The following ADGRV1 variants were observed in gnomAD, a reference collection of about 807,000 sequenced individuals.
The protein encoded by ADGRV1 is G-protein coupled receptor 98.
ADGRV1 carries 359 observed loss-of-function variants against 596.2 expected under a neutral mutation model. That is an observed-to-expected ratio of 0.60 (90% CI 0.55 to 0.66). ADGRV1 has a LOEUF of 0.66. Ranked by LOEUF, ADGRV1 falls within the 30% of genes least tolerant of loss-of-function variation. The pLI is 0.00. For synonymous variants in ADGRV1, 2,681 were observed against 2,679.2 expected, an observed-to-expected ratio of 1.00 and a Z score of -0.02; for missense variants, 7,274 against 7,575.6, an observed-to-expected ratio of 0.96 and a Z score of 1.48.
Position 90,681,312 on chromosome 5 carries a change from C to A in ADGRV1, c.5525-3C>A. 1 of 1,611,210 alleles carries A rather than the reference C, an allele frequency of 6.2e-7. No homozygotes were observed. The highest frequency in any genetic ancestry group is 1.1e-5 in the South Asian group (1 of 90,286). On this transcript the variant is annotated splice_polypyrimidine_tract_variant and splice_region_variant and intron_variant, in intron 26 of 89. Transcript: ENST00000405460. ...TTCTATTTGTTGGAACTTGTTCATGCAGCCAGTCTAGGAGTGGCTTCCCAA... is the reference window on the plus strand; with the variant it reads ...TTCTATTTGTTGGAACTTGTTCATGAAGCCAGTCTAGGAGTGGCTTCCCAA...
chr5:91,114,751 T>G (rs1031701982), intron 87 of ADGRV1, among the ~76,000 whole-genome samples: 2 of 152,198 alleles, frequency 1.3e-5, no homozygotes, highest in African/African-American at 4.8e-5. Flanking sequence ...ACTCTTGAAT[T>G]CATTACTGAG....
chr5:90,831,887 G>A (rs1295507257), intron 77 of ADGRV1, among the ~76,000 whole-genome samples: 1 of 152,124 alleles, frequency 6.6e-6, no homozygotes, highest in Non-Finnish European at 1.5e-5. Flanking sequence ...TTCCATCCAT[G>A]TTGTTGCAAA....
intron 83 of ADGRV1, among the ~76,000 whole-genome samples, chr5:90,903,296 A>T (rs1175975448): frequency 6.6e-6 from 1 of 152,074 alleles, no homozygotes; most frequent in Non-Finnish European, 1.5e-5. Flanking sequence ...AAATATTTCC[A>T]TGAAATTATA....
intron 29 of ADGRV1, among the ~76,000 whole-genome samples, chr5:90,687,080 T>G: frequency 6.6e-6 from 1 of 152,144 alleles, no homozygotes; most frequent in Non-Finnish European, 1.5e-5. Flanking sequence ...CTTGTAAATT[T>G]GTTTGAGTTC....
chr5:90,851,134 T>TGTGTGTGAGAGAGAGAGAGAGA (rs757909771), intron 79 of ADGRV1, among the ~76,000 whole-genome samples: 11 of 81,510 alleles, frequency 1.3e-4, no homozygotes, highest in Admixed American at 9.3e-4. Context: ...TGTGTGTGTG[T>TGTGTGTGAGAGAGAGAGAGAGA]GAGAGAGAGA....
chr5:90,939,194 T>C (rs1775964636), intron 83 of ADGRV1, among the ~76,000 whole-genome samples: 1 of 152,166 alleles, frequency 6.6e-6, no homozygotes. Context: ...ACCTCAAAGT[T>C]ACATTTTAAA....
At position 90,791,246 on chromosome 5, in the gene ADGRV1, A is replaced by C; in HGVS notation, c.14417A>C (p.Asp4806Ala). ...DVAVGLRISS[D>A]HKEQPIVTEN... ...GCTGTTGGGCTTCGAATATCATCGGATCATAAAGAACAGCCGATTGTTACC... is the reference window on the plus strand; with the variant it reads ...GCTGTTGGGCTTCGAATATCATCGGCTCATAAAGAACAGCCGATTGTTACC... The change falls in exon 70 of 90, where the codon GAT becomes GCT. Residue 4806 changes from aspartate (D) to alanine (A), a missense_variant. By Grantham distance (126) the Asp-to-Ala change is moderately radical. Coordinates refer to ENST00000405460, the MANE Select transcript of ADGRV1 (RefSeq NM_032119.4). The C allele has an allele frequency of 6.2e-7, 1 of 1,612,622 alleles. No individual in the cohort carries two copies. The highest frequency in any genetic ancestry group is 8.5e-7 in the Non-Finnish European group (1 of 1,179,364).
At chr5:90,589,997 A>T (rs910653521) in intron 1 of ADGRV1, among the ~76,000 whole-genome samples, 27 of 152,174 alleles carry the variant, frequency 1.8e-4, no homozygotes, top group African/African-American at 6.3e-4. Flanking sequence ...TTAATGTAAA[A>T]TATTCCATTT....
chr5:91,053,897 G>C (rs115362537), intron 85 of ADGRV1, among the ~76,000 whole-genome samples: 7 of 152,136 alleles, frequency 4.6e-5, no homozygotes, highest in African/African-American at 1.7e-4. Context: ...CATGCACATA[G>C]TTACTGCTTA....
intron 77 of ADGRV1, among the ~76,000 whole-genome samples, chr5:90,838,057 A>G (rs777874659): frequency 2.0e-5 from 3 of 152,298 alleles, no homozygotes; most frequent in South Asian, 2.1e-4. Flanking sequence ...GTTTTGTTCA[A>G]TCATATGTCT....
chr5:91,033,334 T>C (rs1784626009), intron 85 of ADGRV1, among the ~76,000 whole-genome samples: 1 of 152,212 alleles, frequency 6.6e-6, no homozygotes, highest in Admixed American at 6.5e-5. Flanking sequence ...TAGGAATTCC[T>C]TGTGCCCTTT....
At chr5:90,706,159 A>C (rs567107390) in intron 37 of ADGRV1, 72 bp from the exon 38 acceptor site, 3 of 1,432,246 alleles carry the variant, frequency 2.1e-6, no homozygotes, top group Non-Finnish European at 1.9e-6. Context: ...AGGAAAGGCA[A>C]AAAATTCACA....
chr5:90,783,839 G>A lies in ADGRV1; in HGVS notation c.13435G>A (p.Glu4479Lys), dbSNP rs1458440710. The A allele has an allele frequency of 4.4e-6, 7 of 1,601,166 alleles. No individual in the cohort carries two copies. Among genetic ancestry groups the A allele is most frequent in the Non-Finnish European group, 6.0e-6 (7 of 1,173,906 alleles). ...GAATTGCTCCTTCTTGCCATGCAGT[G>A]AATTTGAGGAGCCCATTGAAATTCT... ...NISIIDDNESEFEEPIEILLT... is the reference protein window; with the variant it reads ...NISIIDDNESKFEEPIEILLT... The change falls in exon 67 of 90, where the codon GAA becomes AAA. Residue 4479 changes from glutamate (E) to lysine (K), a missense_variant and splice_region_variant. Glu to Lys is a moderately conservative substitution (Grantham distance 56). Around this residue, in one of 5 missense-constraint regions of ADGRV1, gnomAD observed 3,643 missense variants for 3,809.2 expected, o/e 0.96. Coordinates refer to ENST00000405460, the MANE Select transcript of ADGRV1 (RefSeq NM_032119.4).
intron 85 of ADGRV1, among the ~76,000 whole-genome samples, chr5:91,053,106 C>T (rs1786501860): frequency 6.6e-6 from 1 of 152,156 alleles, no homozygotes; most frequent in Non-Finnish European, 1.5e-5. Flanking sequence ...GAAGGGACCT[C>T]CAAAGGGAAC....
chr5:90,705,298 G>C, intron 36 of ADGRV1, 102 bp from the exon 37 acceptor site: 1 of 928,292 alleles, frequency 1.1e-6, no homozygotes, highest in Non-Finnish European at 1.6e-6. Context: ...GAAGTAAATA[G>C]AACACTTTTG....
chr5:90,788,755 G>A lies in ADGRV1; in HGVS notation c.13893+445G>A, dbSNP rs148702148. Among the ~76,000 whole-genome samples, 20 of 152,114 alleles carry A rather than the reference G, an allele frequency of 1.3e-4. No individual in the cohort carries two copies. In the East Asian group the frequency reaches 3.9e-3, roughly 29 times the overall value. On this transcript the variant is annotated intron_variant, in intron 68 of 89. Coordinates refer to ENST00000405460, the MANE Select transcript of ADGRV1 (RefSeq NM_032119.4). ...CAAGACTACTGAAAATAATGCAGAG[G>A]GATGACCCATTTTTTTGAAGTTTGT...
chr5:90,850,816 A>T (rs912196732), intron 79 of ADGRV1: 1 of 152,214 alleles, frequency 6.6e-6, no homozygotes, highest in Non-Finnish European at 1.5e-5. Flanking sequence ...GCACAGAAAG[A>T]GTGGCCTTTT....
intron 1 of ADGRV1, among the ~76,000 whole-genome samples, chr5:90,598,539 G>A (rs1399665323): frequency 1.3e-5 from 2 of 152,216 alleles, no homozygotes; most frequent in African/African-American, 2.4e-5. Context: ...GGGCTAGCGA[G>A]GCACATGGGA....
intron 85 of ADGRV1, among the ~76,000 whole-genome samples, chr5:91,003,250 C>T (rs928631004): frequency 8.5e-5 from 13 of 152,234 alleles, no homozygotes; most frequent in African/African-American, 3.1e-4. Context: ...AAATCCTGCG[C>T]CTTTTAATTG....
Sources: allele counts gnomAD v4.1 joint callset (sites outside exome capture counted in the v4.1 genomes callset), GRCh38; gene constraint gnomAD v4.1.1; regional missense constraint gnomAD v4.1.1; transcripts MANE v1.5; gene names NCBI Gene and HGNC (gene_info 2026-07-23, HGNC 2026-07-21).